SLC6A20: variants seen among roughly 807,000 people sequenced by gnomAD.
SLC6A20 encodes solute carrier family 6 member 20.
A neutral mutation model predicts 64.3 loss-of-function variants in SLC6A20; 73 were observed. The ratio of observed to expected loss-of-function variants is 1.14; its 90% CI spans 0.94 to 1.38. The LOEUF (loss-of-function observed/expected upper bound fraction) is 1.38, where lower values mean the gene tolerates loss of function less well. Ranked by LOEUF, SLC6A20 falls within the 40% of genes most tolerant of loss-of-function variation. The probability of loss-of-function intolerance (pLI) is 0.00; values close to 1 mark genes in which losing one functional copy is unlikely to be tolerated. For synonymous variants in SLC6A20, 347 were observed against 329.6 expected (o/e 1.05, Z -0.57); for missense variants, 725 against 772.8 (o/e 0.94, Z 0.73).
Position 45,775,814 on chromosome 3 carries a change from C to G in SLC6A20, c.529G>C (p.Ala177Pro). Residue 177 changes from alanine to proline, a missense_variant, in exon 4 of 11, where the codon GCC becomes CCC. By Grantham distance (27) the Ala-to-Pro change is conservative. Transcript: ENST00000358525. Reference sequence around the variant, plus strand: ...ATGCACAGGTACACCACCAGCCAGGCCAGGAGGAGGCACAGCGCCGGCTCC... The same window carrying G: ...ATGCACAGGTACACCACCAGCCAGGGCAGGAGGAGGCACAGCGCCGGCTCC... ...QWEPALCLLL[A>P]WLVVYLCILR... 6.2e-7 allele frequency: 1 copy of G among 1,614,160 alleles called. No individual in the cohort carries two copies.
chr3:45,770,521 C>G (rs1699843679), intron 6 of SLC6A20, 150 bp from the exon 7 acceptor site: 4 of 915,894 alleles, frequency 4.4e-6, no homozygotes, highest in African/African-American at 1.7e-5. Flanking sequence ...TTGAATGGCA[C>G]TGAAGAAGCC....
intron 6 of SLC6A20, among the ~76,000 whole-genome samples, chr3:45,771,000 T>C (rs1174511210): frequency 1.3e-5 from 2 of 152,206 alleles, no homozygotes; most frequent in Non-Finnish European, 1.5e-5. Context: ...CCTATTATGC[T>C]AAGTGCTCAC....
At chr3:45,794,989 G>T (rs901780746) in intron 1 of SLC6A20, among the ~76,000 whole-genome samples, 6 of 152,158 alleles carry the variant, frequency 3.9e-5, no homozygotes, top group African/African-American at 1.2e-4. Context: ...TGTTGATTTG[G>T]GGTAAGGGGA....
At position 45,765,823 on chromosome 3, in the gene SLC6A20, G is replaced by T; in HGVS notation, c.1099-82C>A. On this transcript the variant is annotated intron_variant, in intron 7 of 10. Coordinates refer to ENST00000358525, the MANE Select transcript of SLC6A20 (RefSeq NM_020208.4). The surrounding 1 kb of genome is among the most constrained non-coding windows in gnomAD (Gnocchi z 4.2). ...CGCACTCAGTACTAAGCAACATGGG[G>T]GACCTTGGAAGTGGCCATGAGAAGC... The T allele has an allele frequency of 6.7e-7, 1 of 1,493,658 alleles. No homozygotes were observed. The highest frequency in any genetic ancestry group is 9.2e-7 in the Non-Finnish European group (1 of 1,085,682). The allele number at this position is 1,493,658 out of a possible 1,614,324, so 92.5% of individuals were successfully genotyped here.
chr3:45,781,987 G>T (rs146198784), intron 2 of SLC6A20, 96 bp downstream of exon 2: 4 of 1,419,230 alleles, frequency 2.8e-6, no homozygotes, highest in African/African-American at 2.9e-5. Context: ...CCTTGTGCTC[G>T]CCCCTTGATC....
In SLC6A20 at chr3:45,762,055, G is replaced by A. The variant is rs571429687; in HGVS notation, c.1463+858C>T. Among the ~76,000 whole-genome samples the A allele has an allele frequency of 9.2e-5, 14 of 152,252 alleles. No individual in the cohort carries two copies. In the South Asian group the frequency reaches 1.0e-3, roughly 11 times the overall value. ...GTGGCACAGCCTCCTCGCCCAAACC[G>A]CACCCACTAGAGCAGCGCTGCCCAA... On this transcript the variant is annotated intron_variant, in intron 9 of 10. Transcript: ENST00000358525.
chr3:45,777,247 C>T (rs982676289), intron 3 of SLC6A20, among the ~76,000 whole-genome samples: 10 of 152,190 alleles, frequency 6.6e-5, no homozygotes, highest in Non-Finnish European at 1.5e-4. Flanking sequence ...TGCCAGTAGG[C>T]AGCTGGAGCC....
At chr3:45,766,274 C>T (rs1699776048) in intron 7 of SLC6A20, among the ~76,000 whole-genome samples, 2 of 152,144 alleles carry the variant, frequency 1.3e-5, no homozygotes, top group South Asian at 4.1e-4. Context: ...AAGACAAATC[C>T]CCTAAGGGGC....
At chr3:45,789,390 C>A (rs1489861703) in intron 1 of SLC6A20, among the ~76,000 whole-genome samples, 1 of 152,056 alleles carries the variant, frequency 6.6e-6, no homozygotes, top group African/African-American at 2.4e-5. Context: ...GCAAACATAA[C>A]CTGATAATAA....
At chr3:45,770,173 G>C (rs910580861) in intron 7 of SLC6A20, 36 bp downstream of exon 7, 10 of 1,612,778 alleles carry the variant, frequency 6.2e-6, no homozygotes, top group African/African-American at 2.7e-5. Context: ...AGTGTGTGGA[G>C]AGAAGCCAGT....
At position 45,762,923 on chromosome 3, in the gene SLC6A20, C is replaced by T. The variant is rs746945041; in HGVS notation, c.1453G>A (p.Gly485Arg). The T allele has an allele frequency of 1.4e-5, 23 of 1,614,124 alleles. No individual in the cohort carries two copies. The highest frequency in any genetic ancestry group is 3.3e-5 in the South Asian group (3 of 91,076). Residue 485 changes from glycine to arginine, a missense_variant, in exon 9 of 11, where the codon GGG becomes AGG. Gly to Arg is a moderately radical substitution (Grantham distance 125). Coordinates refer to ENST00000358525, the MANE Select transcript of SLC6A20 (RefSeq NM_020208.4). ...CCTGGGCCTCCTCACCTCCTCAGCC[C>T]GTACACGTAGCACACGGCAATCGTC... The part of the protein sequence containing the change: ...VETIAVCYVY[G>R]LRRFESDLKA...
chr3:45,787,366 T>C (rs770928045), intron 1 of SLC6A20, among the ~76,000 whole-genome samples: 1 of 152,118 alleles, frequency 6.6e-6, no homozygotes, highest in Non-Finnish European at 1.5e-5. Context: ...CTGTCCACCC[T>C]CACTAGAACA....
intron 1 of SLC6A20, among the ~76,000 whole-genome samples, chr3:45,783,992 G>A (rs1028786087): frequency 6.6e-6 from 1 of 152,208 alleles, no homozygotes; most frequent in Non-Finnish European, 1.5e-5. Flanking sequence ...AGACTTTGAA[G>A]CCACATTCAA....
chr3:45,768,048 T>C (rs980125297), intron 7 of SLC6A20, among the ~76,000 whole-genome samples: 4 of 152,150 alleles, frequency 2.6e-5, no homozygotes, highest in African/African-American at 9.7e-5. Flanking sequence ...ACAAATAAAA[T>C]GGCAAACATG....
intron 9 of SLC6A20, among the ~76,000 whole-genome samples, chr3:45,761,977 C>A (rs936005320): frequency 6.6e-6 from 1 of 152,156 alleles, no homozygotes; most frequent in Non-Finnish European, 1.5e-5. Context: ...TCCCTCCCCA[C>A]CCTGAACCAG....
chr3:45,766,228 T>C (rs1240624516), intron 7 of SLC6A20, among the ~76,000 whole-genome samples: 1 of 152,056 alleles, frequency 6.6e-6, no homozygotes, highest in Non-Finnish European at 1.5e-5. Flanking sequence ...TGCGGAAATG[T>C]TAAACTATGG....
chr3:45,759,015 C>T lies in SLC6A20; in HGVS notation c.1742G>A (p.Arg581His), dbSNP rs376448611. The T allele has an allele frequency of 7.3e-5, 117 of 1,612,510 alleles. 2 individuals carry two copies. The South Asian group carries it at 9.2e-4, about 13-fold the overall frequency. The change falls in exon 11 of 11, where the codon CGT becomes CAT. Residue 581 changes from arginine (R) to histidine (H), a missense_variant. By Grantham distance (29) the Arg-to-His change is conservative. Transcript: ENST00000358525. ...PLAALGTFVQ[R>H]RLKRGDADPV... ...GTCTGCGTCTCCCCTCTTGAGGCGA[C>T]GCTGAACAAAAGTCCCCAGGGCCGC...
At chr3:45,782,258 C>T (rs769251564) in intron 1 of SLC6A20, 35 bp from the exon 2 acceptor site, 31 of 1,590,150 alleles carry the variant, frequency 1.9e-5, no homozygotes, top group South Asian at 1.0e-4. Context: ...CAGGCCACCA[C>T]CAAAAGGCTT....
At chr3:45,760,132 G>A in intron 9 of SLC6A20, 110 bp from the exon 10 acceptor site, 1 of 1,279,804 alleles carries the variant, frequency 7.8e-7, no homozygotes, top group Admixed American at 2.4e-5. Context: ...AGGTGGTAAA[G>A]GATGTCTGAG....
Sources: gnomAD v4.1 joint callset for allele counts (sites outside exome capture counted in the v4.1 genomes callset) on GRCh38, gnomAD v4.1.1 for gene constraint, Gnocchi (gnomAD v3.1) non-coding constraint, MANE v1.5 for transcripts, NCBI Gene and HGNC (gene_info 2026-07-23, HGNC 2026-07-21) for gene names.